The following IMPG2 variants were observed in gnomAD, a reference collection of about 807,000 sequenced individuals.
IMPG2 encodes the protein IPM 200.
Under a neutral mutation model 129.2 loss-of-function variants are expected in IMPG2, and 91 were observed. The ratio of observed to expected loss-of-function variants is 0.70; its 90% CI spans 0.59 to 0.84. The LOEUF is 0.84. Ranked by LOEUF, IMPG2 falls within the 40% of genes least tolerant of loss-of-function variation. IMPG2 has a pLI of 0.00. For missense variants in IMPG2, 1,430 were observed against 1,461.7 expected (o/e 0.98, Z 0.35); for synonymous variants, 510 against 517.7 (o/e 0.99, Z 0.20).
At chr3:101,278,935 T>C (rs1383645280) in intron 4 of IMPG2, among the ~76,000 whole-genome samples, 1 of 152,148 alleles carries the variant, frequency 6.6e-6, no homozygotes, top group Non-Finnish European at 1.5e-5. Flanking sequence ...TTAAGAGGCT[T>C]CTTGGGTTAC....
chr3:101,268,373 G>C (rs1178872948), intron 8 of IMPG2, among the ~76,000 whole-genome samples: 2 of 152,122 alleles, frequency 1.3e-5, no homozygotes, highest in Non-Finnish European at 2.9e-5. Context: ...CATACAACTG[G>C]AGGCAGCATC....
At chr3:101,298,266 C>T (rs1707102008) in intron 3 of IMPG2, among the ~76,000 whole-genome samples, 1 of 151,774 alleles carries the variant, frequency 6.6e-6, no homozygotes, top group African/African-American at 2.4e-5. Context: ...ATTTTCCATC[C>T]CTTTATTTTG....
At chr3:101,248,879 C>T (rs1218753917) in intron 11 of IMPG2, among the ~76,000 whole-genome samples, 1 of 151,974 alleles carries the variant, frequency 6.6e-6, no homozygotes, top group Non-Finnish European at 1.5e-5. Flanking sequence ...TCTTCCTGCC[C>T]TCTGCCCTAG....
At chr3:101,260,949 A>G (rs962176732) in intron 9 of IMPG2, among the ~76,000 whole-genome samples, 2 of 152,190 alleles carry the variant, frequency 1.3e-5, no homozygotes, top group African/African-American at 4.8e-5. Context: ...AGATAAGACA[A>G]TTGAATTTAT....
intron 4 of IMPG2, among the ~76,000 whole-genome samples, chr3:101,290,631 T>A (rs1706997210): frequency 6.6e-6 from 1 of 152,182 alleles, no homozygotes; most frequent in South Asian, 2.1e-4. Context: ...GCTGTTTGAA[T>A]AAGACCACAC....
At chr3:101,273,963 C>T (rs1252061168) in intron 6 of IMPG2, among the ~76,000 whole-genome samples, 2 of 152,132 alleles carry the variant, frequency 1.3e-5, no homozygotes, top group African/African-American at 4.8e-5. Flanking sequence ...TTTGGGAGGC[C>T]GAGGTGGGCA....
chr3:101,227,093 A>AT lies in IMPG2; in HGVS notation c.3714-113dup, dbSNP rs1267040770. On this transcript the variant is annotated intron_variant, in intron 18 of 18. Transcript: ENST00000193391. The stretch of plus-strand genomic sequence containing the variant: ...ACTCCTAAAATCATGAATACTTTCT[A>AT]TTTTTTTCTTTATTTGAAGGAAAGT... The AT allele has an allele frequency of 9.8e-6, 12 of 1,225,452 alleles. No homozygotes were observed. The Admixed American group carries it at 1.4e-4, about 14-fold the overall frequency. The allele number at this position is 1,225,452 out of a possible 1,614,324, so 75.9% of individuals were successfully genotyped here.
intron 2 of IMPG2, among the ~76,000 whole-genome samples, chr3:101,312,940 G>A (rs1450253226): frequency 1.3e-5 from 2 of 152,162 alleles, no homozygotes; most frequent in African/African-American, 2.4e-5. Context: ...AGGGGGAAGG[G>A]AGATAAAAGG....
chr3:101,229,306 A>ACCCCCCCCCCCCCTCCCCCC, intron 17 of IMPG2, 74 bp downstream of exon 17: 1 of 362,594 alleles, frequency 2.8e-6, no homozygotes, highest in African/African-American at 3.0e-5. Flanking sequence ...ACACACCCCC[A>ACCCCCCCCCCCCCTCCCCCC]CCCACCACCC....
intron 7 of IMPG2, among the ~76,000 whole-genome samples, chr3:101,272,954 A>G (rs533044897): frequency 6.6e-6 from 1 of 152,314 alleles, no homozygotes; most frequent in South Asian, 2.1e-4. Flanking sequence ...GGCAAACTAG[A>G]CGGGGACTAT....
intron 4 of IMPG2, among the ~76,000 whole-genome samples, chr3:101,283,117 G>T (rs1291076628): frequency 6.6e-6 from 1 of 152,142 alleles, no homozygotes; most frequent in African/African-American, 2.4e-5. Flanking sequence ...CTGCCTCTCA[G>T]GTTCAAGCTA....
At chr3:101,280,353 G>A (rs551399241) in intron 4 of IMPG2, among the ~76,000 whole-genome samples, 34 of 152,232 alleles carry the variant, frequency 2.2e-4, no homozygotes, top group African/African-American at 6.7e-4. Context: ...ATAATCACAT[G>A]TGACCACAAA....
At chr3:101,289,163 G>C (rs898466518) in intron 4 of IMPG2, among the ~76,000 whole-genome samples, 1 of 152,126 alleles carries the variant, frequency 6.6e-6, no homozygotes, top group East Asian at 1.9e-4. Context: ...AGAAGAGTCA[G>C]GCTTTAGGTA....
At chr3:101,232,520 G>A (rs1706300261) in intron 15 of IMPG2, among the ~76,000 whole-genome samples, 1 of 152,036 alleles carries the variant, frequency 6.6e-6, no homozygotes, top group Non-Finnish European at 1.5e-5. Context: ...TTACAGGCGT[G>A]AGCCACTGCA....
Position 101,320,472 on chromosome 3 carries a change from C to A in IMPG2, c.-100G>T. ...ACAAAGAGTTATAGGAAAGACCTAA[C>A]ATTTAAAAGTCTATGTTTGAGAATG... is the stretch of plus-strand genomic sequence containing the variant. On this transcript the variant is annotated 5_prime_UTR_variant, in exon 1 of 19. The change abolishes an upstream ATG in the 5' untranslated region. Transcript: ENST00000193391. 1 of 741,548 alleles carries A rather than the reference C, an allele frequency of 1.3e-6. No homozygotes were observed. Among genetic ancestry groups the A allele is most frequent in the Non-Finnish European group, 2.4e-6 (1 of 416,828 alleles). 45.9% of individuals were successfully genotyped at this position (741,548 alleles called of 1,614,324 possible).
chr3:101,277,617 A>C (rs1706851887), intron 4 of IMPG2, among the ~76,000 whole-genome samples: 1 of 152,146 alleles, frequency 6.6e-6, no homozygotes, highest in South Asian at 2.1e-4. Flanking sequence ...TAGAGAAATT[A>C]TTTGCTGTAG....
intron 9 of IMPG2, among the ~76,000 whole-genome samples, chr3:101,259,235 A>G (rs1706644192): frequency 1.3e-5 from 2 of 152,140 alleles, no homozygotes; most frequent in South Asian, 4.1e-4. Context: ...TCACACCAAG[A>G]TCCCTCCAGA....
intron 11 of IMPG2, 82 bp from the exon 12 acceptor site, chr3:101,246,187 T>A (rs187576112): frequency 5.2e-6 from 7 of 1,335,578 alleles, no homozygotes; most frequent in Non-Finnish European, 7.3e-6. Context: ...TATCTGTCTA[T>A]ATTCCCAGAT....
At chr3:101,316,622 G>A (rs1402376378) in intron 2 of IMPG2, among the ~76,000 whole-genome samples, 3 of 152,074 alleles carry the variant, frequency 2.0e-5, no homozygotes, top group Admixed American at 6.6e-5. Context: ...GTGTTGAGAG[G>A]ATGTGAAGAA....
Sources: allele counts gnomAD v4.1 joint callset (sites outside exome capture counted in the v4.1 genomes callset), GRCh38; gene constraint gnomAD v4.1.1; transcripts MANE v1.5; gene names NCBI Gene and HGNC (gene_info 2026-07-23, HGNC 2026-07-21).